TTC28: variants seen among roughly 807,000 people sequenced by gnomAD.
The protein encoded by TTC28 is tetratricopeptide repeat protein 28.
In TTC28, 61 loss-of-function variants were observed where a neutral mutation model predicts 198.0. The observed-to-expected ratio is 0.31, with a 90% CI of 0.25 to 0.38. The LOEUF (loss-of-function observed/expected upper bound fraction) is 0.38. TTC28 is among the 10% of genes least tolerant of loss of function. The pLI is 1.00. For missense variants in TTC28, 2,678 were observed against 3,164.0 expected (o/e 0.85, Z 3.69); for synonymous variants, 1,171 against 1,297.8 (o/e 0.90, Z 2.10).
chr22:28,237,599 C>CTG (rs1180922991), intron 5 of TTC28, among the ~76,000 whole-genome samples: 14 of 152,288 alleles, frequency 9.2e-5, no homozygotes, highest in Non-Finnish European at 5.9e-5. Flanking sequence ...CCACAATATA[C>CTG]TGTTATCACT....
intron 2 of TTC28, among the ~76,000 whole-genome samples, chr22:28,504,267 A>G (rs2048573140): frequency 6.6e-6 from 1 of 152,210 alleles, no homozygotes; most frequent in South Asian, 2.1e-4. Context: ...AAAACAAGTA[A>G]AAGTGAGATA....
chr22:28,204,965 C>G (rs1446216421), intron 5 of TTC28, among the ~76,000 whole-genome samples: 1 of 152,102 alleles, frequency 6.6e-6, no homozygotes, highest in Non-Finnish European at 1.5e-5. Context: ...TATCTAGTCT[C>G]TTGATTTTTG....
chr22:28,490,816 A>G (rs1445067406), intron 2 of TTC28, among the ~76,000 whole-genome samples: 3 of 152,190 alleles, frequency 2.0e-5, no homozygotes, highest in African/African-American at 7.2e-5. Flanking sequence ...CTAACTTAAT[A>G]CTTCTCTAGT....
chr22:28,270,024 T>C (rs571532147), intron 5 of TTC28, among the ~76,000 whole-genome samples: 98 of 152,282 alleles, frequency 6.4e-4, no homozygotes, highest in African/African-American at 2.0e-3. Flanking sequence ...TGTAAAATAT[T>C]TGAAGAGACT....
intron 6 of TTC28, among the ~76,000 whole-genome samples, chr22:28,120,498 C>T (rs1162099332): frequency 6.6e-6 from 1 of 152,118 alleles, no homozygotes; most frequent in Non-Finnish European, 1.5e-5. Context: ...CCTCCCAGCC[C>T]AGCACATTTT....
chr22:28,300,164 G>T (rs972626488), intron 3 of TTC28, among the ~76,000 whole-genome samples: 3 of 152,164 alleles, frequency 2.0e-5, no homozygotes, highest in African/African-American at 7.2e-5. Flanking sequence ...TTTAGCTTCT[G>T]ATTCAAGGAT....
intron 2 of TTC28, among the ~76,000 whole-genome samples, chr22:28,477,652 AT>A (rs764759989): frequency 9.8e-5 from 15 of 152,328 alleles, no homozygotes; most frequent in Admixed American, 2.6e-4. Context: ...AACAGATCCA[AT>A]GAGTGGCCTT....
intron 2 of TTC28, among the ~76,000 whole-genome samples, chr22:28,471,899 T>C (rs958222332): frequency 2.0e-5 from 3 of 152,170 alleles, no homozygotes; most frequent in African/African-American, 7.2e-5. Flanking sequence ...AGGATATATC[T>C]CTTAAAGAAA....
At chr22:28,073,623 G>T (rs1015503457) in intron 12 of TTC28, among the ~76,000 whole-genome samples, 1 of 152,210 alleles carries the variant, frequency 6.6e-6, no homozygotes, top group African/African-American at 2.4e-5. Flanking sequence ...GTATGAGTGG[G>T]AAACTGGATC....
chr22:27,988,459 T>C (rs1332483449), intron 21 of TTC28, among the ~76,000 whole-genome samples: 1 of 151,988 alleles, frequency 6.6e-6, no homozygotes, highest in Non-Finnish European at 1.5e-5. Flanking sequence ...GGCTAATTTT[T>C]GTATTTTTAG....
rs189612188 is a variant in TTC28, at chr22:28,167,989, C to T, written c.934-4390G>A. Among the ~76,000 whole-genome samples the T allele has an allele frequency of 1.6e-3, 245 of 152,300 alleles. 1 individual carries two copies. Among genetic ancestry groups the T allele is most frequent in the Middle Eastern group, 0.01 (3 of 294 alleles). On this transcript the variant is annotated intron_variant, in intron 5 of 22. Coordinates refer to ENST00000397906, the MANE Select transcript of TTC28 (RefSeq NM_001145418.2). ...TCAGCAAAGTCTCAGAATACAAAAT[C>T]AATGTGCAAAAATCACAAGCATTCC...
At chr22:28,121,618 T>C (rs967684960) in intron 6 of TTC28, among the ~76,000 whole-genome samples, 1 of 152,238 alleles carries the variant, frequency 6.6e-6, no homozygotes, top group Non-Finnish European at 1.5e-5. Context: ...AATTGAAATT[T>C]AAAAAATTTC....
intron 12 of TTC28, among the ~76,000 whole-genome samples, chr22:28,054,370 T>C (rs1200462032): frequency 1.3e-5 from 2 of 152,198 alleles, no homozygotes; most frequent in East Asian, 3.9e-4. Flanking sequence ...AGCTGGCTGC[T>C]ATGTATGCCA....
chr22:28,299,705 T>TA (rs2044978494), intron 3 of TTC28, among the ~76,000 whole-genome samples: 1 of 152,186 alleles, frequency 6.6e-6, no homozygotes, highest in Non-Finnish European at 1.5e-5. Context: ...AATAGAATTT[T>TA]AGAGTTGAAA....
At chr22:28,058,752 T>C (rs1318189276) in intron 12 of TTC28, among the ~76,000 whole-genome samples, 1 of 152,066 alleles carries the variant, frequency 6.6e-6, no homozygotes, top group Non-Finnish European at 1.5e-5. Flanking sequence ...TTGAGTTTGC[T>C]GTTAAAAAGG....
intron 2 of TTC28, among the ~76,000 whole-genome samples, chr22:28,589,778 G>A (rs558070465): frequency 5.9e-5 from 9 of 152,096 alleles, no homozygotes; most frequent in African/African-American, 9.6e-5. Flanking sequence ...GGTGGCTCAC[G>A]CCTGTAATCC....
At chr22:28,068,377 A>C (rs1376019769) in intron 12 of TTC28, among the ~76,000 whole-genome samples, 1 of 152,204 alleles carries the variant, frequency 6.6e-6, no homozygotes, top group Non-Finnish European at 1.5e-5. Context: ...GGACTACCGT[A>C]AGAATTAAAC....
intron 5 of TTC28, among the ~76,000 whole-genome samples, chr22:28,168,376 C>T (rs1352595357): frequency 6.6e-6 from 1 of 152,106 alleles, no homozygotes; most frequent in Non-Finnish European, 1.5e-5. Flanking sequence ...CAATCTTAAG[C>T]CAAAAGAGCA....
In TTC28 at chr22:28,436,156, A is replaced by G. The variant is rs144511512; in HGVS notation, c.382-129513T>C. Among the ~76,000 whole-genome samples the G allele has an allele frequency of 2.8e-4, 43 of 152,328 alleles. 2 individuals are homozygous for G. The highest frequency in any genetic ancestry group is 9.9e-4 in the African/African-American group (41 of 41,576). ...TAATGAATAAGTCACCCTCACTTATATTCAATATTGCATTTCTGAGAGGTT... is the reference window on the plus strand; with the variant it reads ...TAATGAATAAGTCACCCTCACTTATGTTCAATATTGCATTTCTGAGAGGTT... On this transcript the variant is annotated intron_variant, in intron 2 of 22. Coordinates refer to ENST00000397906, the MANE Select transcript of TTC28 (RefSeq NM_001145418.2).
Sources: allele counts gnomAD v4.1 joint callset (sites outside exome capture counted in the v4.1 genomes callset), GRCh38; gene constraint gnomAD v4.1.1; transcripts MANE v1.5; gene names NCBI Gene and HGNC (gene_info 2026-07-23, HGNC 2026-07-21).